The following TANC2 variants were observed in gnomAD, a reference collection of about 807,000 sequenced individuals.
TANC2 encodes the protein tetratricopeptide repeat, ankyrin repeat and coiled-coil containing 2, also known as protein TANC2.
TANC2 carries 26 observed loss-of-function variants against 210.5 expected under a neutral mutation model. That is an observed-to-expected ratio of 0.12 (90% CI 0.09 to 0.17). The LOEUF (loss-of-function observed/expected upper bound fraction) is 0.17, where lower values mean the gene tolerates loss of function less well. TANC2 is among the 10% of genes least tolerant of loss of function. TANC2 has a pLI of 1.00. For missense variants in TANC2, 2,129 were observed against 2,608.9 expected, an observed-to-expected ratio of 0.82 and a Z score of 4.01; for synonymous variants, 931 against 967.1, an observed-to-expected ratio of 0.96 and a Z score of 0.69.
At chr17:63,199,211 G>A (rs1168661018) in intron 6 of TANC2, among the ~76,000 whole-genome samples, 2 of 152,066 alleles carry the variant, frequency 1.3e-5, no homozygotes, top group Non-Finnish European at 2.9e-5. Flanking sequence ...TATGAATAGA[G>A]ACTCTATTTG....
At chr17:63,005,275 G>A (rs75693377) in intron 1 of TANC2, 1 of 152,178 alleles carries the variant, frequency 6.6e-6, no homozygotes, top group Non-Finnish European at 1.5e-5. Flanking sequence ...TTTCTGGACT[G>A]TCTGTTCTAT....
intron 1 of TANC2, among the ~76,000 whole-genome samples, chr17:63,006,089 A>T (rs151144280): frequency 6.6e-6 from 1 of 152,084 alleles, no homozygotes; most frequent in Non-Finnish European, 1.5e-5. Flanking sequence ...AGTTGTTCAC[A>T]ATATCTTATT....
intron 7 of TANC2, among the ~76,000 whole-genome samples, chr17:63,209,872 A>G (rs2041833867): frequency 6.6e-6 from 1 of 152,208 alleles, no homozygotes; most frequent in Admixed American, 6.5e-5. Flanking sequence ...TTTTTTTCAA[A>G]TACTTTTACA....
intron 2 of TANC2, among the ~76,000 whole-genome samples, chr17:63,049,788 G>A (rs1184625548): frequency 6.6e-6 from 1 of 152,180 alleles, no homozygotes; most frequent in African/African-American, 2.4e-5. Flanking sequence ...GAGAAACCAG[G>A]TTAGTCATGA....
chr17:63,083,919 G>A (rs1244179632), intron 3 of TANC2, among the ~76,000 whole-genome samples: 2 of 152,188 alleles, frequency 1.3e-5, no homozygotes, highest in South Asian at 4.1e-4. Context: ...ATTTTTGCAC[G>A]TACGTTCATG....
intron 4 of TANC2, among the ~76,000 whole-genome samples, chr17:63,141,474 G>A (rs2039291116): frequency 6.6e-6 from 1 of 150,778 alleles, no homozygotes; most frequent in Non-Finnish European, 1.5e-5. Context: ...GGCTGAGGTG[G>A]GAGAATTGCA....
At chr17:62,992,823 A>C (rs1373892574) in intron 1 of TANC2, among the ~76,000 whole-genome samples, 1 of 152,220 alleles carries the variant, frequency 6.6e-6, no homozygotes, top group Admixed American at 6.5e-5. Flanking sequence ...AAATTTCCAC[A>C]AATTTAGTGG....
At chr17:62,997,263 G>A (rs1377694439) in intron 1 of TANC2, among the ~76,000 whole-genome samples, 1 of 151,838 alleles carries the variant, frequency 6.6e-6, no homozygotes, top group Non-Finnish European at 1.5e-5. Flanking sequence ...TCAGCTTCCT[G>A]AGTAGCTGGG....
chr17:63,379,757 A>G, exon 15 of TANC2: 1 of 1,613,106 alleles, frequency 6.2e-7, no homozygotes, highest in Non-Finnish European at 8.5e-7. Flanking sequence ...TTTCCCGCCA[A>G]GAGGGAAAAC....
rs538255958 is a variant in TANC2 at position 63,390,471 on chromosome 17, A to G, written c.3051+927A>G. On this transcript the variant is annotated intron_variant, in intron 17 of 27. Coordinates refer to ENST00000689528, the Ensembl canonical transcript of TANC2. ...ATTTGAATGGACACCTCTAGGAACA[A>G]TGATAACTGGGCCTCGTTACTATTT... 3.3e-5 allele frequency: 5 copies of G among 152,320 alleles called. No individual in the cohort carries two copies. In the East Asian group the frequency reaches 5.8e-4, roughly 18 times the overall value. The allele number at this position is 152,320 out of a possible 1,614,324, so 9.4% of individuals were successfully genotyped here. A position where few individuals can be genotyped will look rare whatever the true frequency, so the allele number is the denominator to read the frequency against.
intron 4 of TANC2, among the ~76,000 whole-genome samples, chr17:63,108,206 T>A (rs2037899461): frequency 6.6e-6 from 1 of 151,698 alleles, no homozygotes; most frequent in Non-Finnish European, 1.5e-5. Context: ...GAACAGCTCA[T>A]TAAAGGATAT....
intron 19 of TANC2, among the ~76,000 whole-genome samples, chr17:63,403,554 C>A (rs2048407503): frequency 6.6e-6 from 1 of 152,150 alleles, no homozygotes; most frequent in African/African-American, 2.4e-5. Flanking sequence ...GATAAAACTT[C>A]TTTGTCCAGG....
chr17:63,395,545 C>T (rs953378399), intron 17 of TANC2, among the ~76,000 whole-genome samples, 198 bp from the exon 18 acceptor site: 2 of 152,056 alleles, frequency 1.3e-5, no homozygotes, highest in Non-Finnish European at 2.9e-5. Flanking sequence ...GAAGTTCTTC[C>T]CAGAGGGACA....
intron 7 of TANC2, among the ~76,000 whole-genome samples, chr17:63,216,522 A>G (rs764324044): frequency 7.2e-5 from 11 of 152,324 alleles, no homozygotes; most frequent in South Asian, 2.1e-4. Context: ...TCTATAGCCA[A>G]TTGGTCAGAA....
chr17:63,057,439 T>C (rs889438084), intron 2 of TANC2, among the ~76,000 whole-genome samples: 4 of 152,210 alleles, frequency 2.6e-5, no homozygotes, highest in Non-Finnish European at 4.4e-5. Context: ...ATAAAAACTT[T>C]TATTTTAGGT....
chr17:63,401,000 A>C (rs1216447288), intron 19 of TANC2, among the ~76,000 whole-genome samples: 1 of 152,118 alleles, frequency 6.6e-6, no homozygotes, highest in East Asian at 1.9e-4. Context: ...TTCAGAAAAA[A>C]TTCTGGAAAA....
At chr17:63,326,206 A>T (rs549780163) in intron 11 of TANC2, among the ~76,000 whole-genome samples, 1 of 152,348 alleles carries the variant, frequency 6.6e-6, no homozygotes, top group African/African-American at 2.4e-5. Flanking sequence ...GGAATAGAAT[A>T]AAAAGTTCAG....
At chr17:63,249,877 A>G (rs2043010197) in intron 8 of TANC2, among the ~76,000 whole-genome samples, 2 of 152,184 alleles carry the variant, frequency 1.3e-5, no homozygotes, top group Non-Finnish European at 2.9e-5. Context: ...ATCTGTTTGC[A>G]TTAGTGGCAA....
At chr17:63,380,432 A>G (rs1014553980) in intron 15 of TANC2, among the ~76,000 whole-genome samples, 5 of 152,256 alleles carry the variant, frequency 3.3e-5, no homozygotes, top group Admixed American at 3.3e-4. Flanking sequence ...GTATGCATTC[A>G]TTTGTTTATT....
Sources: allele counts gnomAD v4.1 joint callset (sites outside exome capture counted in the v4.1 genomes callset), GRCh38; gene constraint gnomAD v4.1.1; transcripts MANE v1.5; gene names NCBI Gene and HGNC (gene_info 2026-07-23, HGNC 2026-07-21).